COL12A1: variants seen among roughly 807,000 people sequenced by gnomAD.
The protein encoded by COL12A1 is collagen alpha-1(XII) chain.
COL12A1 carries 114 observed loss-of-function variants against 349.7 expected under a neutral mutation model. That is an observed-to-expected ratio of 0.33 (90% CI 0.28 to 0.38). COL12A1 has a LOEUF of 0.38. Ranked by LOEUF, COL12A1 falls within the 10% of genes least tolerant of loss-of-function variation. The pLI is 1.00. For missense variants in COL12A1, 3,284 were observed against 3,756.9 expected (o/e 0.87, Z 3.29); for synonymous variants, 1,369 against 1,329.0 (o/e 1.03, Z -0.66).
chr6:75,095,623 C>CAAAAAA (rs58205028), intron 59 of COL12A1, among the ~76,000 whole-genome samples: 5 of 102,090 alleles, frequency 4.9e-5, no homozygotes, highest in Admixed American at 1.9e-4. Context: ...GACTCCGTCT[C>CAAAAAA]AAAAAAAAAA....
intron 38 of COL12A1, among the ~76,000 whole-genome samples, chr6:75,127,830 T>C (rs369421521): frequency 2.5e-4 from 38 of 152,278 alleles, no homozygotes; most frequent in African/African-American, 8.2e-4. Flanking sequence ...CAATAAAAAA[T>C]ACATTTTTCT....
At chr6:75,202,970 A>G (rs1309430169) in intron 1 of COL12A1, 143 bp from the exon 2 acceptor site, 1 of 578,468 alleles carries the variant, frequency 1.7e-6, no homozygotes, top group Non-Finnish European at 3.1e-6. Context: ...TAATGGGCCT[A>G]TTGTGAAGCA....
intron 2 of COL12A1, among the ~76,000 whole-genome samples, chr6:75,202,168 C>G (rs1770561410): frequency 6.6e-6 from 1 of 152,260 alleles, no homozygotes; most frequent in African/African-American, 2.4e-5. Context: ...ATCCCCCAGG[C>G]TGCTTGGCTG....
In COL12A1 at chr6:75,134,022, C is replaced by A. The variant is rs778017694; in HGVS notation, c.5525-25G>T. 2.5e-6 allele frequency: 4 copies of A among 1,603,754 alleles called. No individual in the cohort carries two copies. The South Asian group carries it at 4.5e-5, about 18-fold the overall frequency. ...TCTGAAATGCACAGAAATCCCATCA[C>A]AGTATAATGCTAACAATCAAGCACA... On this transcript the variant is annotated intron_variant, in intron 32 of 65. Transcript: ENST00000322507.
chr6:75,145,406 G>T lies in COL12A1; in HGVS notation c.4610C>A (p.Pro1537His). 6.2e-7 allele frequency: 1 copy of T among 1,613,966 alleles called. No individual in the cohort carries two copies. Among genetic ancestry groups the T allele is most frequent in the Non-Finnish European group, 8.5e-7 (1 of 1,179,904 alleles). Residue 1537 changes from proline (P) to histidine (H), a missense_variant, in exon 25 of 66, where the codon CCC becomes CAC. By Grantham distance (77) the Pro-to-His change is moderately conservative. This residue lies in a region of COL12A1 where 2,601 missense variants were observed against 2,824.8 expected (regional missense o/e 0.92). Transcript: ENST00000322507. ...GACTGTGACTGCATACTCCGTGTTG[G>T]GAACAAGGTCAGTCAGCTGCATGTC... ...VNDMQLTDLVPNTEYAVTVQA... is the reference protein window; with the variant it reads ...VNDMQLTDLVHNTEYAVTVQA...
intron 16 of COL12A1, 123 bp downstream of exon 16, chr6:75,155,539 A>T: frequency 1.0e-6 from 1 of 1,003,634 alleles, no homozygotes; most frequent in Non-Finnish European, 1.4e-6. Flanking sequence ...GCTGATTTTA[A>T]ATACTTTGCT....
intron 13 of COL12A1, among the ~76,000 whole-genome samples, chr6:75,167,987 TC>T (rs992102335): frequency 6.6e-6 from 1 of 152,170 alleles, no homozygotes; most frequent in African/African-American, 2.4e-5. Flanking sequence ...AAGTTCTCAA[TC>T]TCAGAAAAAA....
chr6:75,188,326 G>A (rs751543642), intron 8 of COL12A1, 36 bp downstream of exon 8: 4 of 1,571,382 alleles, frequency 2.5e-6, no homozygotes, highest in Non-Finnish European at 3.4e-6. Context: ...CAATGGAAAA[G>A]ACTAACACAT....
chr6:75,136,166 T>G lies in COL12A1; in HGVS notation c.5394+1271A>C, dbSNP rs190019702. ...AGATGGGAAATGCTAAGAACAAGCT[T>G]CTCCTGATTTGTAGTTTTACCGAAA... On this transcript the variant is annotated intron_variant, in intron 31 of 65. Coordinates refer to ENST00000322507, the MANE Select transcript of COL12A1 (RefSeq NM_004370.6). 5.9e-5 allele frequency among the ~76,000 whole-genome samples: 9 copies of G among 152,214 alleles called. No homozygotes were observed. The East Asian group carries it at 1.7e-3, about 29-fold the overall frequency.
chr6:75,139,823 C>G (rs1055280618), intron 27 of COL12A1, among the ~76,000 whole-genome samples: 1 of 152,306 alleles, frequency 6.6e-6, no homozygotes, highest in East Asian at 1.9e-4. Context: ...CCTCCATTGA[C>G]CAGGTCCTCT....
intron 13 of COL12A1, among the ~76,000 whole-genome samples, chr6:75,168,350 C>A (rs1768419152): frequency 6.6e-6 from 1 of 152,140 alleles, no homozygotes; most frequent in Admixed American, 6.5e-5. Flanking sequence ...AAAATGAGAT[C>A]TTGGTTTGGC....
Position 75,121,347 on chromosome 6 carries a change from G to A in COL12A1, c.7041C>T (p.Phe2347=). ...TTTCATCAAAGCCTCCCACAGTATTGAAGATGAATTTTACAACTTTGTTAA... is the reference window on the plus strand; with the variant it reads ...TTTCATCAAAGCCTCCCACAGTATTAAAGATGAATTTTACAACTTTGTTAA... ...DNFNKVVKFI[F]NTVGGFDEIS... is the part of the protein sequence containing the mutation. Residue 2347 remains phenylalanine (F), a synonymous_variant, in exon 44 of 66, where the codon TTC becomes TTT. Coordinates refer to ENST00000322507, the MANE Select transcript of COL12A1 (RefSeq NM_004370.6). The A allele has an allele frequency of 6.2e-7, 1 of 1,612,104 alleles. No individual in the cohort carries two copies. Among genetic ancestry groups the A allele is most frequent in the Non-Finnish European group, 8.5e-7 (1 of 1,178,688 alleles).
At position 75,101,632 on chromosome 6, in the gene COL12A1, G is replaced by C; in HGVS notation, c.8491C>G (p.Pro2831Ala). 2 of 1,613,646 alleles carry C rather than the reference G, an allele frequency of 1.2e-6. No individual in the cohort carries two copies. Among genetic ancestry groups the C allele is most frequent in the African/African-American group, 2.7e-5 (2 of 75,008 alleles). Residue 2831 changes from proline to alanine, a missense_variant, in exon 58 of 66, where the codon CCA becomes GCA. Pro to Ala is a conservative substitution (Grantham distance 27). Coordinates refer to ENST00000322507, the MANE Select transcript of COL12A1 (RefSeq NM_004370.6). ...CCTGGAGGTCCCATTGGTCCTGGTG[G>C]GCCAGGTAATCCTGGGGTTCCCTGC... ...GRTGTPGLPG[P>A]PGPMGPPGDR...
intron 5 of COL12A1, among the ~76,000 whole-genome samples, chr6:75,190,299 A>C (rs1769862903): frequency 6.6e-6 from 1 of 151,998 alleles, no homozygotes; most frequent in South Asian, 2.1e-4. Flanking sequence ...AGTGCAGTTG[A>C]GTTGAAGACC....
chr6:75,106,532 C>CA (rs770422860), intron 52 of COL12A1, 36 bp from the exon 53 acceptor site: 1 of 1,582,688 alleles, frequency 6.3e-7, no homozygotes, highest in Admixed American at 1.7e-5. Flanking sequence ...GCTAAAGATG[C>CA]ATGAAAAACA....
intron 13 of COL12A1, among the ~76,000 whole-genome samples, chr6:75,173,031 G>T (rs1030293946): frequency 6.6e-6 from 1 of 152,178 alleles, no homozygotes; most frequent in African/African-American, 2.4e-5. Context: ...AGTATACCAA[G>T]AGGCTTTTAG....
rs572512247 is a variant in COL12A1 at position 75,087,686 on chromosome 6, G to A, written c.9072C>T (p.Gly3024=). ...CTGAGTTTCCAGGACGGCCAGGGGGGCCAGGGGGACCTCTTGAACCTGTGG... is the reference window on the plus strand; with the variant it reads ...CTGAGTTTCCAGGACGGCCAGGGGGACCAGGGGGACCTCTTGAACCTGTGG... ...PGSTGSRGPP[G]PPGRPGNSGI... Residue 3024 remains glycine, a synonymous_variant, in exon 65 of 66, where the codon GGC becomes GGT. Transcript: ENST00000322507. 13 of 1,610,352 alleles carry A rather than the reference G, an allele frequency of 8.1e-6. No individual in the cohort carries two copies. In the East Asian group the frequency reaches 1.1e-4, roughly 14 times the overall value.
chr6:75,202,892 T>C lies in COL12A1; in HGVS notation c.-35-65A>G, dbSNP rs899628275. 3.6e-6 allele frequency: 4 copies of C among 1,107,042 alleles called. No individual in the cohort carries two copies. In the African/African-American group the frequency reaches 4.7e-5, roughly 13 times the overall value. 68.6% of individuals were successfully genotyped at this position (1,107,042 alleles called of 1,614,324 possible). On this transcript the variant is annotated intron_variant, in intron 1 of 65. Coordinates refer to ENST00000322507, the MANE Select transcript of COL12A1 (RefSeq NM_004370.6). Reference sequence around the variant, plus strand: ...GGCAGGCCTTGAACCAGGTTAGAACTGGAGCCTGGACCTAGTCCAGAACCC... The same window carrying C: ...GGCAGGCCTTGAACCAGGTTAGAACCGGAGCCTGGACCTAGTCCAGAACCC...
At chr6:75,145,950 A>G (rs1767164349) in intron 24 of COL12A1, 152 bp downstream of exon 24, 1 of 818,326 alleles carries the variant, frequency 1.2e-6, no homozygotes, top group Admixed American at 3.5e-5. Flanking sequence ...AATGTTTTCT[A>G]CAATGTGTTG....
Sources: allele counts gnomAD v4.1 joint callset (sites outside exome capture counted in the v4.1 genomes callset), GRCh38; gene constraint gnomAD v4.1.1; regional missense constraint gnomAD v4.1.1; transcripts MANE v1.5; gene names NCBI Gene and HGNC (gene_info 2026-07-23, HGNC 2026-07-21).